The following GALM variants were observed in gnomAD, a reference collection of about 807,000 sequenced individuals.
The protein encoded by GALM is aldose 1-epimerase.
GALM carries 43 observed loss-of-function variants against 37.4 expected under a neutral mutation model. That is an observed-to-expected ratio of 1.15 (90% CI 0.90 to 1.48). The LOEUF (loss-of-function observed/expected upper bound fraction) is 1.48. Ranked by LOEUF, GALM falls within the 40% of genes most tolerant of loss-of-function variation. The pLI is 0.00. For missense variants in GALM, 456 were observed against 419.1 expected (o/e 1.09, Z -0.77); for synonymous variants, 199 against 170.6 (o/e 1.17, Z -1.30).
intron 1 of GALM, among the ~76,000 whole-genome samples, chr2:38,670,063 A>T (rs1665053044): frequency 6.6e-6 from 1 of 151,718 alleles, no homozygotes; most frequent in Non-Finnish European, 1.5e-5. Context: ...GGGTTTCACC[A>T]TATTGGTCAG....
At chr2:38,675,543 T>TTTTTG (rs1665235197) in intron 1 of GALM, among the ~76,000 whole-genome samples, 1 of 33,638 alleles carries the variant, frequency 3.0e-5, no homozygotes, top group African/African-American at 1.0e-4. Context: ...TTTTTTTTTT[T>TTTTTG]TGTGTGTGTG....
At chr2:38,712,664 C>T (rs1466007829) in intron 4 of GALM, among the ~76,000 whole-genome samples, 1 of 152,166 alleles carries the variant, frequency 6.6e-6, no homozygotes, top group African/African-American at 2.4e-5. Flanking sequence ...CTTCTGACTC[C>T]AGCAGTGCAA....
chr2:38,715,494 G>C lies in GALM; in HGVS notation c.635-14062G>C, dbSNP rs1217787987. ...GCTGTGTTGCCCAGGCTGAAGTGCA[G>C]TGGTGCAATCACAGCTCACTTTAGC... On this transcript the variant is annotated intron_variant, in intron 4 of 6. Transcript: ENST00000272252. 3.3e-5 allele frequency among the ~76,000 whole-genome samples: 5 copies of C among 152,204 alleles called. No individual in the cohort carries two copies. The South Asian group carries it at 8.3e-4, about 25-fold the overall frequency.
intron 3 of GALM, 105 bp downstream of exon 3, chr2:38,681,591 C>T: frequency 1.1e-6 from 1 of 929,124 alleles, no homozygotes; most frequent in Non-Finnish European, 1.7e-6. Flanking sequence ...AGTGAGGTCA[C>T]CCTCATGATG....
intron 6 of GALM, among the ~76,000 whole-genome samples, chr2:38,733,095 CCTGTGATCCCAGCTACTCTGGAGG>C (rs1320212091): frequency 4.0e-5 from 6 of 151,692 alleles, no homozygotes; most frequent in Non-Finnish European, 8.8e-5. Context: ...GTGGCAGGTG[CCTGTGATCCCAGCTACTCTGGAGG>C]CTGAGGCAGG....
chr2:38,715,167 C>T (rs1666244034), intron 4 of GALM, among the ~76,000 whole-genome samples: 1 of 152,152 alleles, frequency 6.6e-6, no homozygotes, highest in African/African-American at 2.4e-5. Flanking sequence ...CTGTGTGATG[C>T]AAGCAATAGC....
chr2:38,688,850 CT>C, intron 3 of GALM, among the ~76,000 whole-genome samples: 1 of 152,250 alleles, frequency 6.6e-6, no homozygotes, highest in African/African-American at 2.4e-5. Context: ...GAGTTTTGCT[CT>C]TGATGCCCAG....
chr2:38,728,639 C>T (rs1054150263), intron 4 of GALM, among the ~76,000 whole-genome samples: 2 of 151,996 alleles, frequency 1.3e-5, no homozygotes, highest in East Asian at 3.9e-4. Context: ...GAGCTGAGAT[C>T]GCGCCACTGC....
At chr2:38,675,523 TTTG>T (rs1479985297) in intron 1 of GALM, among the ~76,000 whole-genome samples, 31 of 101,952 alleles carry the variant, frequency 3.0e-4, no homozygotes, top group South Asian at 7.5e-4. Context: ...TGAGGGTTTT[TTTG>T]TTTTTTTTTT....
At position 38,733,817 on chromosome 2, in the gene GALM, T is replaced by A; in HGVS notation, c.*252T>A. On this transcript the variant is annotated 3_prime_UTR_variant, in exon 7 of 7. Transcript: ENST00000272252. Reference sequence around the variant, plus strand: ...GAACCCAACCAACAATGTCGTCATCTAAGCCCTGACCCTAGCCAGGGACTC... The same window carrying A: ...GAACCCAACCAACAATGTCGTCATCAAAGCCCTGACCCTAGCCAGGGACTC... The A allele has an allele frequency of 2.1e-6, 1 of 481,254 alleles. No homozygotes were observed. The highest frequency in any genetic ancestry group is 3.8e-6 in the Non-Finnish European group (1 of 262,794). 29.8% of individuals were successfully genotyped at this position (481,254 alleles called of 1,614,324 possible).
chr2:38,732,285 T>C (rs6544173), intron 6 of GALM, among the ~76,000 whole-genome samples: 84,529 of 151,708 alleles, frequency 0.56, 22,430 homozygotes, highest in East Asian at 0.8. Context: ...TCAAAACCCC[T>C]GACCTCAGGT....
At chr2:38,703,171 G>A (rs765927151) in intron 4 of GALM, among the ~76,000 whole-genome samples, 1 of 123,624 alleles carries the variant, frequency 8.1e-6, no homozygotes, top group Non-Finnish European at 1.6e-5. Flanking sequence ...GCAATGGTGC[G>A]ATCTCAGCTC....
At chr2:38,722,715 A>G (rs1341662214) in intron 4 of GALM, among the ~76,000 whole-genome samples, 2 of 152,250 alleles carry the variant, frequency 1.3e-5, no homozygotes, top group African/African-American at 4.8e-5. Flanking sequence ...GCACCAAAGC[A>G]CAAAGTCATA....
chr2:38,679,309 T>C (rs1388528870), intron 2 of GALM, among the ~76,000 whole-genome samples: 1 of 151,662 alleles, frequency 6.6e-6, no homozygotes, highest in East Asian at 1.9e-4. Context: ...TTAAACAAGA[T>C]TTTTTTTTCC....
intron 4 of GALM, among the ~76,000 whole-genome samples, chr2:38,696,119 GA>G (rs1236278964): frequency 2.6e-5 from 4 of 151,292 alleles, no homozygotes; most frequent in Non-Finnish European, 5.9e-5. Flanking sequence ...AAAGTGTAGA[GA>G]TTTTTTTTTT....
At chr2:38,675,518 GTTTTTTTGTTTT>G (rs1475976358) in intron 1 of GALM, among the ~76,000 whole-genome samples, 4 of 104,976 alleles carry the variant, frequency 3.8e-5, no homozygotes, top group African/African-American at 1.8e-4. Context: ...TGGATTGAGG[GTTTTTTTGTTTT>G]TTTTTTTTTT....
chr2:38,682,659 G>A (rs572075587), intron 3 of GALM, among the ~76,000 whole-genome samples: 57 of 152,244 alleles, frequency 3.7e-4, no homozygotes, highest in Admixed American at 2.5e-3. Flanking sequence ...CACTTTGGGA[G>A]GCCGAGATGA....
At chr2:38,699,583 C>T (rs1199501401) in intron 4 of GALM, among the ~76,000 whole-genome samples, 2 of 151,948 alleles carry the variant, frequency 1.3e-5, no homozygotes, top group African/African-American at 2.4e-5. Flanking sequence ...TTTGGGAGGC[C>T]GAGGTGGACT....
At chr2:38,690,450 G>T (rs548436336) in intron 4 of GALM, among the ~76,000 whole-genome samples, 2 of 152,030 alleles carry the variant, frequency 1.3e-5, no homozygotes, top group South Asian at 4.2e-4. Context: ...GGGGCGGTGC[G>T]GGAGGGGATA....
Sources: gnomAD v4.1 joint callset for allele counts (sites outside exome capture counted in the v4.1 genomes callset) on GRCh38, gnomAD v4.1.1 for gene constraint, MANE v1.5 for transcripts, NCBI Gene and HGNC (gene_info 2026-07-23, HGNC 2026-07-21) for gene names.